KHDRBS2: variants seen among roughly 807,000 people sequenced by gnomAD.
The protein encoded by KHDRBS2 is KH RNA binding domain containing, signal transduction associated 2.
In KHDRBS2, 26 loss-of-function variants were observed where a neutral mutation model predicts 44.3. The ratio of observed to expected loss-of-function variants is 0.59; its 90% CI spans 0.43 to 0.81. KHDRBS2 has a LOEUF of 0.81. KHDRBS2 is among the 40% of genes least tolerant of loss of function. The probability of loss-of-function intolerance (pLI) is 0.00; values close to 1 mark genes in which losing one functional copy is unlikely to be tolerated. For synonymous variants in KHDRBS2, 194 were observed against 151.1 expected, an observed-to-expected ratio of 1.28 and a Z score of -2.08; for missense variants, 476 against 433.1, an observed-to-expected ratio of 1.10 and a Z score of -0.88.
intron 6 of KHDRBS2, among the ~76,000 whole-genome samples, chr6:61,851,309 A>G (rs1362317664): frequency 2.0e-5 from 3 of 151,786 alleles, no homozygotes; most frequent in East Asian, 1.9e-4. Flanking sequence ...ATATATGTGT[A>G]TATATATATC....
the KHDRBS2 span, among the ~76,000 whole-genome samples, chr6:61,646,771 T>A: frequency 6.6e-6 from 1 of 152,112 alleles, no homozygotes; most frequent in Non-Finnish European, 1.5e-5. Context: ...TGTCTGACTT[T>A]TTATTAGCAA....
chr6:62,155,752 T>C (rs1409828958), intron 2 of KHDRBS2, among the ~76,000 whole-genome samples: 1 of 152,238 alleles, frequency 6.6e-6, no homozygotes, highest in Non-Finnish European at 1.5e-5. Context: ...CAGTAGAAGC[T>C]ATTCCCATAT....
intron 2 of KHDRBS2, among the ~76,000 whole-genome samples, chr6:62,056,467 G>A (rs986143317): frequency 2.0e-5 from 3 of 151,848 alleles, no homozygotes; most frequent in Admixed American, 2.0e-4. Context: ...GGGGAATAGG[G>A]GACATGATCA....
At chr6:61,772,822 G>A (rs1393160939) in intron 6 of KHDRBS2, among the ~76,000 whole-genome samples, 5 of 151,940 alleles carry the variant, frequency 3.3e-5, no homozygotes, top group Non-Finnish European at 7.4e-5. Context: ...CCCAGAGTGT[G>A]ATGTTCCCCT....
At chr6:62,106,376 G>A (rs553523739) in intron 2 of KHDRBS2, among the ~76,000 whole-genome samples, 1 of 152,150 alleles carries the variant, frequency 6.6e-6, no homozygotes, top group Non-Finnish European at 1.5e-5. Flanking sequence ...GTGGATAGTG[G>A]GGTGTTAAAG....
intron 7 of KHDRBS2, among the ~76,000 whole-genome samples, chr6:61,721,588 G>C (rs796603441): frequency 2.3e-5 from 3 of 132,334 alleles, no homozygotes; most frequent in South Asian, 2.5e-4. Context: ...TTTGTCTGTT[G>C]TTGGTGTATA....
chr6:62,169,243 A>G (rs1418786439), intron 2 of KHDRBS2, among the ~76,000 whole-genome samples: 3 of 141,774 alleles, frequency 2.1e-5, no homozygotes, highest in African/African-American at 8.1e-5. Flanking sequence ...ATATGTGTGT[A>G]TATATATTTC....
intron 7 of KHDRBS2, among the ~76,000 whole-genome samples, chr6:61,707,724 G>A (rs747711145): frequency 6.6e-6 from 1 of 151,758 alleles, no homozygotes; most frequent in South Asian, 2.1e-4. Context: ...TAAGTAGATA[G>A]AAGTGAAGTT....
intron 4 of KHDRBS2, among the ~76,000 whole-genome samples, chr6:61,944,041 G>C (rs1812695031): frequency 6.6e-6 from 1 of 152,050 alleles, no homozygotes; most frequent in Admixed American, 6.6e-5. Context: ...TTGTGGAGAA[G>C]AGGGAACACT....
chr6:61,917,576 G>A (rs573583699), intron 4 of KHDRBS2, among the ~76,000 whole-genome samples: 2 of 151,900 alleles, frequency 1.3e-5, no homozygotes, highest in Non-Finnish European at 2.9e-5. Flanking sequence ...TAGATGTCAT[G>A]CCTTTGCCCA....
chr6:61,856,877 T>C (rs1322861703), intron 6 of KHDRBS2, among the ~76,000 whole-genome samples: 1 of 152,074 alleles, frequency 6.6e-6, no homozygotes. Context: ...GTTTTGTTAA[T>C]CCTTTCATTT....
intron 7 of KHDRBS2, among the ~76,000 whole-genome samples, chr6:61,721,989 G>T (rs958965722): frequency 6.7e-6 from 1 of 150,324 alleles, no homozygotes; most frequent in Non-Finnish European, 1.5e-5. Flanking sequence ...TTAGCATGAA[G>T]AGTTGTTGAA....
chr6:62,085,171 T>G (rs1264046611), intron 2 of KHDRBS2, among the ~76,000 whole-genome samples: 1 of 152,148 alleles, frequency 6.6e-6, no homozygotes. Context: ...AATATTAGGA[T>G]GCTTAAGAAA....
At chr6:61,705,142 G>A (rs185603795) in intron 7 of KHDRBS2, among the ~76,000 whole-genome samples, 1 of 151,860 alleles carries the variant, frequency 6.6e-6, no homozygotes, top group Non-Finnish European at 1.5e-5. Context: ...TAAGAAGCAG[G>A]ATTTGCTTAA....
intron 1 of KHDRBS2, among the ~76,000 whole-genome samples, chr6:62,229,753 C>G (rs919998289): frequency 5.9e-5 from 9 of 152,174 alleles, no homozygotes; most frequent in African/African-American, 2.2e-4. Context: ...AGGGGCTCCC[C>G]TGCCCCTTGT....
chr6:61,600,493 C>A, the KHDRBS2 span, among the ~76,000 whole-genome samples: 1 of 152,134 alleles, frequency 6.6e-6, no homozygotes, highest in African/African-American at 2.4e-5. Context: ...CACTACCCAC[C>A]CAAATCTTAT....
intron 6 of KHDRBS2, among the ~76,000 whole-genome samples, chr6:61,883,078 T>A (rs1002317774): frequency 2.6e-5 from 4 of 152,080 alleles, no homozygotes; most frequent in African/African-American, 9.7e-5. Context: ...ATTATTAATT[T>A]GTACCCAGCA....
chr6:62,233,469 A>G (rs1239971351), intron 1 of KHDRBS2, among the ~76,000 whole-genome samples: 1 of 152,188 alleles, frequency 6.6e-6, no homozygotes, highest in Non-Finnish European at 1.5e-5. Context: ...GTAACAGCAT[A>G]GTTAACAAAA....
chr6:61,972,772 G>A (rs921366929), intron 4 of KHDRBS2, among the ~76,000 whole-genome samples: 7 of 152,128 alleles, frequency 4.6e-5, no homozygotes, highest in African/African-American at 1.7e-4. Context: ...CACCTTTTAG[G>A]TCTTGCCATT....
Sources: gnomAD v4.1 joint callset for allele counts (sites outside exome capture counted in the v4.1 genomes callset) on GRCh38, gnomAD v4.1.1 for gene constraint, MANE v1.5 for transcripts, NCBI Gene and HGNC (gene_info 2026-07-23, HGNC 2026-07-21) for gene names.